The following SFTPB variants were observed in gnomAD, a reference collection of about 807,000 sequenced individuals.
SFTPB encodes the protein surfactant protein B.
SFTPB carries 32 observed loss-of-function variants against 51.0 expected under a neutral mutation model. The observed-to-expected ratio is 0.63, with a 90% CI of 0.47 to 0.84. SFTPB has a LOEUF of 0.84. Among genes scored for constraint, SFTPB ranks in the 40% least tolerant of loss-of-function variants. The probability of loss-of-function intolerance (pLI) is 0.00; values close to 1 mark genes in which losing one functional copy is unlikely to be tolerated. For missense variants in SFTPB, 431 were observed against 491.2 expected, an observed-to-expected ratio of 0.88 and a Z score of 1.16; for synonymous variants, 211 against 208.5, an observed-to-expected ratio of 1.01 and a Z score of -0.10.
At position 85,657,953 on chromosome 2, in the gene SFTPB, G is replaced by A. The variant is rs1458605697; in HGVS notation, c.*1749C>T. 2 of 152,192 alleles carry A rather than the reference G, an allele frequency of 1.3e-5. No homozygotes were observed. The allele number at this position is 152,192 out of a possible 1,614,324, so 9.4% of individuals were successfully genotyped here. On this transcript the variant is annotated 3_prime_UTR_variant, in exon 11 of 11. Transcript: ENST00000519937. ...AAGCACCTTCTCAAGGGTGGGGAAG[G>A]TGTATTGTCACAAGGTCAATTGATC...
intron 10 of SFTPB, chr2:85,661,245 G>A: frequency 2.1e-6 from 1 of 468,910 alleles, no homozygotes. Context: ...CTGGGGTTCT[G>A]GGCGGGGCAG....
intron 1 of SFTPB, 54 bp downstream of exon 1, chr2:85,668,063 G>T: frequency 7.2e-7 from 1 of 1,398,256 alleles, no homozygotes; most frequent in African/African-American, 1.4e-5. Flanking sequence ...GCACAAAGCA[G>T]TGCTCAGTGA....
At position 85,662,104 on chromosome 2, in the gene SFTPB, C is replaced by T; in HGVS notation, c.1008G>A (p.Lys336=). Residue 336 remains lysine (K), a synonymous_variant, in exon 9 of 11, where the codon AAG becomes AAA. Transcript: ENST00000519937. The part of the protein sequence containing the change: ...VGSWLDREKC[K]QFVEQHTPQL... ...GGGGCGTGTGCTGCTCCACAAATTG[C>T]TTGCACTGAGGAAGGAGACACACAG... is the stretch of plus-strand genomic sequence containing the variant. The T allele has an allele frequency of 6.2e-7, 1 of 1,600,714 alleles. No homozygotes were observed. Among genetic ancestry groups the T allele is most frequent in the Non-Finnish European group, 8.5e-7 (1 of 1,175,078 alleles).
At chr2:85,663,194 C>G in intron 8 of SFTPB, 152 bp downstream of exon 8, 1 of 1,097,280 alleles carries the variant, frequency 9.1e-7, no homozygotes, top group Middle Eastern at 2.9e-4. Context: ...CCCTAACTTA[C>G]AGTCCCACCA....
At chr2:85,668,638 A>G (rs1015943054), upstream of SFTPB, 45 of 192,700 alleles carry the variant, frequency 2.3e-4, no homozygotes, top group Non-Finnish European at 1.1e-4. Context: ...CAAGCCCTGG[A>G]AGGGCAGACC....
intron 6 of SFTPB, among the ~76,000 whole-genome samples, chr2:85,664,079 A>T (rs1677456720): frequency 6.6e-6 from 1 of 152,146 alleles, no homozygotes; most frequent in South Asian, 2.1e-4. Context: ...CTGGCCCCAA[A>T]GGCTCTGGCC....
rs1056015131 is a variant in SFTPB, at chr2:85,663,706, G to A, written c.814C>T (p.Arg272Cys). The A allele has an allele frequency of 6.2e-6, 10 of 1,612,532 alleles. No individual in the cohort carries two copies. Among genetic ancestry groups the A allele is most frequent in the African/African-American group, 1.3e-5 (1 of 74,922 alleles). Residue 272 changes from arginine (R) to cysteine (C), a missense_variant, in exon 7 of 11, where the codon CGC becomes TGC. Coordinates refer to ENST00000519937, the MANE Select transcript of SFTPB (RefSeq NM_000542.5). ...LGRMLPQLVC[R>C]LVLRCSMDDS... ...TCCATGGAGCACCGGAGGACGAGGCGGCAGACCAGCTGGGGCAGCATGCGG... is the reference window on the plus strand; with the variant it reads ...TCCATGGAGCACCGGAGGACGAGGCAGCAGACCAGCTGGGGCAGCATGCGG...
chr2:85,667,962 G>A lies in SFTPB; in HGVS notation c.67+155C>T, dbSNP rs3024794. Among the ~76,000 whole-genome samples the A allele has an allele frequency of 9.8e-3, 1,494 of 152,362 alleles. 33 individuals are homozygous for A. The highest frequency in any genetic ancestry group is 0.034 in the African/African-American group (1,428 of 41,580). On this transcript the variant is annotated intron_variant, in intron 1 of 10. Transcript: ENST00000519937. The stretch of plus-strand genomic sequence containing the variant: ...CTGGGTTCCACCTGCTCCTGGACCC[G>A]CCAGCTGTGTGACCTTGGATAAGCT...
chr2:85,666,543 G>C (rs142321980), intron 4 of SFTPB, 74 bp downstream of exon 4: 2 of 1,519,614 alleles, frequency 1.3e-6, no homozygotes, highest in Non-Finnish European at 1.8e-6. Context: ...GGGGTGCTGT[G>C]TGTGTGGCTC....
rs754123363 is a variant in SFTPB, at chr2:85,663,832, C to A, written c.688G>T (p.Ala230Ser). The change falls in exon 7 of 11, where the codon GCA becomes TCA. Residue 230 changes from alanine to serine, a missense_variant. Physicochemically the swap from Ala to Ser is moderately conservative, Grantham distance 99. Coordinates refer to ENST00000519937, the MANE Select transcript of SFTPB (RefSeq NM_000542.5). The stretch of plus-strand genomic sequence containing the variant: ...ACCACGCGGCACACCTGGGCCACTG[C>A]CACAGCTAGCGCACCCTGGGGCGGG... ...AMIPKGALAVAVAQVCRVVPL... is the reference protein window; with the variant it reads ...AMIPKGALAVSVAQVCRVVPL... 6.3e-7 allele frequency: 1 copy of A among 1,589,204 alleles called. No individual in the cohort carries two copies. Among genetic ancestry groups the A allele is most frequent in the Non-Finnish European group, 8.5e-7 (1 of 1,171,026 alleles).
chr2:85,666,493 C>T (rs1346437707), intron 4 of SFTPB, 124 bp downstream of exon 4: 6 of 740,226 alleles, frequency 8.1e-6, no homozygotes, highest in African/African-American at 2.2e-5. Flanking sequence ...GGCTTGGGTG[C>T]TGTGTGTGTG....
chr2:85,666,849 G>A lies in SFTPB; in HGVS notation c.268-107C>T. 2.7e-6 allele frequency: 4 copies of A among 1,477,082 alleles called. No individual in the cohort carries two copies. In the South Asian group the frequency reaches 3.4e-5, roughly 13 times the overall value. The allele number at this position is 1,477,082 out of a possible 1,614,324, so 91.5% of individuals were successfully genotyped here. A position where few individuals can be genotyped will look rare whatever the true frequency, so the allele number is the denominator to read the frequency against. Reference sequence around the variant, plus strand: ...GCAGACTGACCCCTAATCCCCCAGGGTGCTGGAGTTCACGAGTGCCAAGGA... The same window carrying A: ...GCAGACTGACCCCTAATCCCCCAGGATGCTGGAGTTCACGAGTGCCAAGGA... On this transcript the variant is annotated intron_variant, in intron 3 of 10. Coordinates refer to ENST00000519937, the MANE Select transcript of SFTPB (RefSeq NM_000542.5).
At chr2:85,664,877 C>T (rs1361642734) in intron 6 of SFTPB, among the ~76,000 whole-genome samples, 1 of 152,186 alleles carries the variant, frequency 6.6e-6, no homozygotes, top group East Asian at 1.9e-4. Flanking sequence ...CTGGAAGACT[C>T]CAAGTTGGAC....
intron 10 of SFTPB, chr2:85,661,200 G>T (rs1305850716): frequency 2.6e-6 from 1 of 387,674 alleles, no homozygotes; most frequent in African/African-American, 2.4e-5. Context: ...AGGGCGGGGG[G>T]TTGGGGGGGA....
chr2:85,668,711 A>G (rs1274053731), upstream of SFTPB: 3 of 160,198 alleles, frequency 1.9e-5, no homozygotes, highest in Admixed American at 6.0e-5. Flanking sequence ...CTATGGACAC[A>G]TGGTTTGCAT....
intron 8 of SFTPB, chr2:85,662,358 A>T: frequency 1.6e-6 from 2 of 1,226,488 alleles, no homozygotes; most frequent in Non-Finnish European, 1.1e-6. Flanking sequence ...AATCTCAGCC[A>T]CCACCCTCCC....
At chr2:85,661,834 C>T (rs1322731938) in intron 9 of SFTPB, among the ~76,000 whole-genome samples, 195 bp downstream of exon 9, 1 of 152,176 alleles carries the variant, frequency 6.6e-6, no homozygotes, top group Non-Finnish European at 1.5e-5. Flanking sequence ...CCATCCCTCC[C>T]TTCCCATCCC....
In SFTPB at chr2:85,666,418, G is replaced by T. The variant is rs1677619685; in HGVS notation, c.393+199C>A. On this transcript the variant is annotated intron_variant, in intron 4 of 10. Transcript: ENST00000519937. ...GTGTGTGTGTGTGTCCGGCCAGCTG[G>T]GGTGTTGTGTGTGTGTGTGTGTGTG... 4 of 538,158 alleles carry T rather than the reference G, an allele frequency of 7.4e-6. 1 individual carries two copies. Among genetic ancestry groups the T allele is most frequent in the South Asian group, 5.7e-5 (3 of 52,744 alleles). The allele number at this position is 538,158 out of a possible 1,614,324, so 33.3% of individuals were successfully genotyped here.
rs540148220 is a variant in SFTPB, at chr2:85,665,858, G to A, written c.394-64C>T. ...AGGGAAGCCCACCCCTATTCAGGCC[G>A]GCCCAAGGGCTCAGGGACCACTGGA... is the stretch of plus-strand genomic sequence containing the variant. On this transcript the variant is annotated intron_variant, in intron 4 of 10. Transcript: ENST00000519937. 6.4e-5 allele frequency: 96 copies of A among 1,507,440 alleles called. No homozygotes were observed. In the African/African-American group the frequency reaches 9.7e-4, roughly 15 times the overall value. The allele number at this position is 1,507,440 out of a possible 1,614,324, so 93.4% of individuals were successfully genotyped here. A position where few individuals can be genotyped will look rare whatever the true frequency, so the allele number is the denominator to read the frequency against.
Sources: gnomAD v4.1 joint callset for allele counts (sites outside exome capture counted in the v4.1 genomes callset) on GRCh38, gnomAD v4.1.1 for gene constraint, MANE v1.5 for transcripts, NCBI Gene and HGNC (gene_info 2026-07-23, HGNC 2026-07-21) for gene names.